Variants in THSD7B observed in about 807,000 individuals in gnomAD.
THSD7B encodes thrombospondin type 1 domain containing 7B, also known as thrombospondin type-1 domain-containing protein 7B.
In THSD7B, 138 loss-of-function variants were observed where a neutral mutation model predicts 213.6. The observed-to-expected ratio is 0.65, with a 90% CI of 0.56 to 0.74. The LOEUF (loss-of-function observed/expected upper bound fraction) is 0.74. Among genes scored for constraint, THSD7B ranks in the 30% least tolerant of loss-of-function variants. THSD7B has a pLI of 0.00. For synonymous variants in THSD7B, 742 were observed against 687.0 expected (o/e 1.08, Z -1.25); for missense variants, 1,931 against 1,991.5 (o/e 0.97, Z 0.58).
chr2:136,782,094 C>T (rs4633970), intron 1 of THSD7B, among the ~76,000 whole-genome samples: 6,715 of 152,134 alleles, frequency 0.044, 512 homozygotes, highest in African/African-American at 0.15. Context: ...TTAAGAAATG[C>T]CTAAATACTT....
chr2:137,038,257 G>T (rs540519458), intron 2 of THSD7B, among the ~76,000 whole-genome samples: 1 of 152,296 alleles, frequency 6.6e-6, no homozygotes, highest in South Asian at 2.1e-4. Flanking sequence ...ACGTTTTCTT[G>T]AAGAGATTTT....
intron 16 of THSD7B, among the ~76,000 whole-genome samples, chr2:137,566,933 G>T (rs945278683): frequency 6.6e-6 from 1 of 152,130 alleles, no homozygotes; most frequent in Non-Finnish European, 1.5e-5. Context: ...TATAGTGAGA[G>T]ACCTGAATAA....
At chr2:137,597,846 A>T (rs914672733) in intron 17 of THSD7B, among the ~76,000 whole-genome samples, 3 of 152,296 alleles carry the variant, frequency 2.0e-5, no homozygotes, top group African/African-American at 7.2e-5. Flanking sequence ...GTTTATTGAT[A>T]AAAGATTATT....
At chr2:137,264,295 C>G (rs1011835778) in intron 10 of THSD7B, among the ~76,000 whole-genome samples, 2 of 151,432 alleles carry the variant, frequency 1.3e-5, no homozygotes, top group African/African-American at 4.9e-5. Flanking sequence ...CTCTCTTGCC[C>G]AGGCTGGGGT....
intron 2 of THSD7B, among the ~76,000 whole-genome samples, chr2:136,926,719 C>A (rs1194002655): frequency 6.6e-6 from 1 of 150,536 alleles, no homozygotes; most frequent in East Asian, 2.0e-4. Flanking sequence ...AAAAAAAACA[C>A]AAAAAACAGT....
chr2:137,286,732 A>G (rs557541382), intron 12 of THSD7B, among the ~76,000 whole-genome samples: 1 of 151,698 alleles, frequency 6.6e-6, no homozygotes, highest in African/African-American at 2.4e-5. Flanking sequence ...TTTCTGGGAA[A>G]GAAAGTAGAG....
At chr2:137,443,284 G>A (rs1434479054) in intron 14 of THSD7B, among the ~76,000 whole-genome samples, 2 of 152,222 alleles carry the variant, frequency 1.3e-5, no homozygotes, top group East Asian at 3.9e-4. Context: ...GGATTTGGCT[G>A]CTTGATTAGG....
chr2:136,927,283 A>AAACAGCTAT (rs71283279), intron 2 of THSD7B, among the ~76,000 whole-genome samples: 102,574 of 151,096 alleles, frequency 0.68, 34,910 homozygotes, highest in Non-Finnish European at 0.7. Context: ...AGTCTTTTAA[A>AAACAGCTAT]AACATTACCT....
chr2:137,432,466 T>C (rs2105041842), intron 14 of THSD7B, among the ~76,000 whole-genome samples: 1 of 152,350 alleles, frequency 6.6e-6, no homozygotes, highest in Admixed American at 6.5e-5. Flanking sequence ...AAATATATAA[T>C]GCTTCCTCCA....
chr2:137,073,693 A>G (rs896085341), intron 3 of THSD7B, among the ~76,000 whole-genome samples: 7 of 151,980 alleles, frequency 4.6e-5, no homozygotes, highest in African/African-American at 1.5e-4. Flanking sequence ...TCAATTTTAG[A>G]TCTTTCCTGC....
intron 12 of THSD7B, among the ~76,000 whole-genome samples, chr2:137,278,969 CA>C (rs1264352885): frequency 1.3e-5 from 2 of 151,930 alleles, no homozygotes; most frequent in African/African-American, 2.4e-5. Flanking sequence ...TGGATTTAAG[CA>C]AAAAATGTGA....
At chr2:137,409,114 C>A (rs1190789139) in intron 13 of THSD7B, among the ~76,000 whole-genome samples, 1 of 152,142 alleles carries the variant, frequency 6.6e-6, no homozygotes, top group Admixed American at 6.5e-5. Context: ...GGATTTCATT[C>A]TGTACTATGG....
chr2:137,357,985 A>C (rs974515360), intron 12 of THSD7B, among the ~76,000 whole-genome samples: 10 of 152,174 alleles, frequency 6.6e-5, no homozygotes, highest in Admixed American at 4.6e-4. Context: ...AGAGCAAAAC[A>C]TTTCTCCATT....
At chr2:137,142,519 A>G (rs1679607149) in intron 5 of THSD7B, among the ~76,000 whole-genome samples, 3 of 152,188 alleles carry the variant, frequency 2.0e-5, no homozygotes. Flanking sequence ...GAGAAATTAA[A>G]GATGATACCT....
intron 1 of THSD7B, among the ~76,000 whole-genome samples, chr2:136,811,162 C>T (rs1304153077): frequency 6.6e-6 from 1 of 152,156 alleles, no homozygotes; most frequent in Non-Finnish European, 1.5e-5. Context: ...CACTGCGTTC[C>T]CCACTGCTGA....
At chr2:137,463,925 A>C (rs1176159691) in intron 15 of THSD7B, among the ~76,000 whole-genome samples, 1 of 152,090 alleles carries the variant, frequency 6.6e-6, no homozygotes, top group Non-Finnish European at 1.5e-5. Flanking sequence ...GCTGACTAAA[A>C]CTGGCTTAAA....
chr2:137,125,870 A>G (rs1481774724), intron 5 of THSD7B, among the ~76,000 whole-genome samples: 1 of 152,156 alleles, frequency 6.6e-6, no homozygotes. Context: ...ATGAGTCATG[A>G]AAACATTAAT....
intron 12 of THSD7B, among the ~76,000 whole-genome samples, chr2:137,375,381 T>C (rs1385060049): frequency 3.9e-5 from 6 of 152,202 alleles, no homozygotes; most frequent in East Asian, 3.9e-4. Flanking sequence ...GTTGTTTACA[T>C]TGAAAAATGA....
intron 2 of THSD7B, among the ~76,000 whole-genome samples, chr2:136,890,445 C>CT (rs1387640593): frequency 2.0e-3 from 4 of 1,978 alleles, no homozygotes; most frequent in Admixed American, 0.013. Flanking sequence ...TCTTCTTCTT[C>CT]TTCTTCTTCT....
Sources: gnomAD v4.1 joint callset for allele counts (sites outside exome capture counted in the v4.1 genomes callset) on GRCh38, gnomAD v4.1.1 for gene constraint, MANE v1.5 for transcripts, NCBI Gene and HGNC (gene_info 2026-07-23, HGNC 2026-07-21) for gene names.